The following CHN1 variants were observed in gnomAD, a reference collection of about 807,000 sequenced individuals.
The protein encoded by CHN1 is N-chimaerin.
Under a neutral mutation model 59.5 loss-of-function variants are expected in CHN1, and 37 were observed. The ratio of observed to expected loss-of-function variants is 0.62; its 90% confidence interval spans 0.48 to 0.82. CHN1 has a LOEUF of 0.82. Ranked by LOEUF, CHN1 falls within the 40% of genes least tolerant of loss-of-function variation. The probability of loss-of-function intolerance (pLI) is 0.00; values close to 1 mark genes in which losing one functional copy is unlikely to be tolerated. For synonymous variants in CHN1, 206 were observed against 200.4 expected (o/e 1.03, Z -0.24); for missense variants, 469 against 571.0 (o/e 0.82, Z 1.82).
intron 12 of CHN1, among the ~76,000 whole-genome samples, chr2:174,800,541 A>G (rs559217468): frequency 6.6e-6 from 1 of 152,300 alleles, no homozygotes; most frequent in Admixed American, 6.5e-5. Flanking sequence ...ATTCAGTTCT[A>G]TCTATGGATC....
intron 5 of CHN1, among the ~76,000 whole-genome samples, chr2:174,911,200 A>G (rs1688692866): frequency 6.6e-6 from 1 of 152,206 alleles, no homozygotes; most frequent in Non-Finnish European, 1.5e-5. Context: ...GAAAAACTAG[A>G]GTGTCTTATA....
intron 3 of CHN1, among the ~76,000 whole-genome samples, chr2:174,933,819 T>A (rs1342786428): frequency 2.0e-5 from 3 of 152,124 alleles, no homozygotes; most frequent in Non-Finnish European, 4.4e-5. Context: ...TGAGGTTTAG[T>A]GTAGTGAAGA....
At chr2:174,956,458 A>G (rs1183414624) in intron 1 of CHN1, among the ~76,000 whole-genome samples, 1 of 152,176 alleles carries the variant, frequency 6.6e-6, no homozygotes, top group Non-Finnish European at 1.5e-5. Flanking sequence ...AAACACACAC[A>G]CAAATATGTC....
At chr2:174,829,571 A>G (rs1199634715) in intron 7 of CHN1, among the ~76,000 whole-genome samples, 1 of 152,270 alleles carries the variant, frequency 6.6e-6, no homozygotes, top group African/African-American at 2.4e-5. Context: ...ATTAATCTTC[A>G]TTGTTCCTTT....
At chr2:174,816,267 G>A (rs558088658) in intron 8 of CHN1, among the ~76,000 whole-genome samples, 124 of 152,294 alleles carry the variant, frequency 8.1e-4, no homozygotes, top group Middle Eastern at 3.4e-3. Context: ...CAGCAAAGGA[G>A]GGATACCAGT....
intron 6 of CHN1, among the ~76,000 whole-genome samples, chr2:174,863,491 A>G (rs943680769): frequency 2.6e-5 from 4 of 152,194 alleles, no homozygotes; most frequent in African/African-American, 4.8e-5. Context: ...CTACTCTTCT[A>G]AATTTTTTTG....
At chr2:174,860,915 G>A (rs953501910) in intron 6 of CHN1, among the ~76,000 whole-genome samples, 2 of 152,038 alleles carry the variant, frequency 1.3e-5, no homozygotes, top group Non-Finnish European at 2.9e-5. Context: ...CCAAACCACA[G>A]GGTAGTTTGT....
intron 2 of CHN1, among the ~76,000 whole-genome samples, chr2:174,947,715 C>T (rs1210603045): frequency 6.6e-6 from 1 of 152,028 alleles, no homozygotes; most frequent in Admixed American, 6.6e-5. Flanking sequence ...AACTCCTGAG[C>T]TCAAGTGATA....
chr2:174,826,133 C>A (rs1409357789), intron 7 of CHN1, among the ~76,000 whole-genome samples: 1 of 152,252 alleles, frequency 6.6e-6, no homozygotes, highest in Non-Finnish European at 1.5e-5. Flanking sequence ...GAAAAGGAGG[C>A]CATAATCCCT....
At chr2:174,893,408 TA>T (rs1285940625) in intron 5 of CHN1, among the ~76,000 whole-genome samples, 2 of 152,072 alleles carry the variant, frequency 1.3e-5, no homozygotes, top group Non-Finnish European at 2.9e-5. Flanking sequence ...GAAATAAACT[TA>T]AAAGGCAAAA....
At chr2:174,920,832 A>C (rs1374005163) in intron 3 of CHN1, among the ~76,000 whole-genome samples, 1 of 152,054 alleles carries the variant, frequency 6.6e-6, no homozygotes, top group Admixed American at 6.5e-5. Flanking sequence ...TGTGTACTTT[A>C]TTTCTATTAT....
chr2:174,872,272 A>T (rs1369654337), intron 6 of CHN1, among the ~76,000 whole-genome samples: 1 of 152,190 alleles, frequency 6.6e-6, no homozygotes, highest in Non-Finnish European at 1.5e-5. Context: ...TGATGAAGTG[A>T]GACCCCACCT....
intron 5 of CHN1, among the ~76,000 whole-genome samples, chr2:174,900,347 T>G (rs957475936): frequency 2.0e-5 from 3 of 151,888 alleles, no homozygotes; most frequent in Non-Finnish European, 4.4e-5. Context: ...TACATAAAAA[T>G]GAAAAAATTA....
chr2:174,934,739 G>A (rs1689447286), intron 3 of CHN1, among the ~76,000 whole-genome samples: 1 of 152,194 alleles, frequency 6.6e-6, no homozygotes, highest in Non-Finnish European at 1.5e-5. Context: ...AAGCAAGTAT[G>A]ACATGAAAGA....
At chr2:174,920,568 A>G (rs758266097) in intron 3 of CHN1, among the ~76,000 whole-genome samples, 1 of 152,226 alleles carries the variant, frequency 6.6e-6, no homozygotes, top group African/African-American at 2.4e-5. Context: ...CTATCTTTTC[A>G]GTGATCTTCT....
chr2:174,935,292 G>T (rs1014901113), intron 3 of CHN1, among the ~76,000 whole-genome samples: 1 of 152,178 alleles, frequency 6.6e-6, no homozygotes, highest in African/African-American at 2.4e-5. Context: ...TGCTTTATTT[G>T]ACTTGAAACC....
At chr2:174,903,753 G>A (rs903534013) in intron 5 of CHN1, among the ~76,000 whole-genome samples, 3 of 152,080 alleles carry the variant, frequency 2.0e-5, no homozygotes, top group African/African-American at 7.2e-5. Context: ...ATTACCAAGT[G>A]ATCGTATAAT....
intron 3 of CHN1, among the ~76,000 whole-genome samples, chr2:174,935,801 T>G (rs1574185234): frequency 6.6e-6 from 1 of 151,910 alleles, no homozygotes; most frequent in Admixed American, 6.6e-5. Flanking sequence ...GGCACGGCGG[T>G]GCACACATGC....
intron 1 of CHN1, among the ~76,000 whole-genome samples, chr2:175,001,947 T>C (rs546890335): frequency 5.9e-5 from 9 of 152,216 alleles, no homozygotes; most frequent in Admixed American, 5.9e-4. Flanking sequence ...TGCTCTCTAC[T>C]AAGGAAGTTC....
Sources: allele counts gnomAD v4.1 joint callset (sites outside exome capture counted in the v4.1 genomes callset), GRCh38; gene constraint gnomAD v4.1.1; transcripts MANE v1.5; gene names NCBI Gene and HGNC (gene_info 2026-07-23, HGNC 2026-07-21).